Variants in MARCHF1 observed in about 807,000 individuals in gnomAD.
MARCHF1 encodes the protein membrane associated ring-CH-type finger 1.
In MARCHF1, 40 loss-of-function variants were observed where a neutral mutation model predicts 54.2. The ratio of observed to expected loss-of-function variants is 0.74; its 90% CI spans 0.57 to 0.96. MARCHF1 has a LOEUF of 0.96. MARCHF1 is among the 40% of genes least tolerant of loss of function. The pLI, the probability that MARCHF1 is intolerant of heterozygous loss-of-function variation, is 0.00. For synonymous variants in MARCHF1, 236 were observed against 236.3 expected, an observed-to-expected ratio of 1.00 and a Z score of 0.01; for missense variants, 586 against 656.5, an observed-to-expected ratio of 0.89 and a Z score of 1.17.
chr4:164,053,996 C>A (rs952260741), intron 2 of MARCHF1, among the ~76,000 whole-genome samples: 6 of 151,966 alleles, frequency 3.9e-5, no homozygotes, highest in South Asian at 2.1e-4. Context: ...CAACCTACAA[C>A]ATGGGAGAAA....
Position 163,784,121 on chromosome 4 carries a change from A to C in MARCHF1, c.111+69900T>G, listed in dbSNP as rs138540659. 2.8e-4 allele frequency among the ~76,000 whole-genome samples: 43 copies of C among 150,880 alleles called. No homozygotes were observed. The East Asian group carries it at 6.8e-3, about 24-fold the overall frequency. ...CTGTTTTATGATTGATGAAAATATG[A>C]TTCTAACCAGCAGAAATTCTTTTTT... On this transcript the variant is annotated intron_variant, in intron 4 of 9. Coordinates refer to ENST00000514618, the MANE Select transcript of MARCHF1 (RefSeq NM_001394959.1).
chr4:164,302,903 C>T (rs766653282), intron 1 of MARCHF1, among the ~76,000 whole-genome samples: 23 of 147,498 alleles, frequency 1.6e-4, no homozygotes, highest in Middle Eastern at 3.7e-3. Flanking sequence ...TATTCTATTT[C>T]GCATGCTATT....
chr4:163,630,920 A>G (rs1742053267), intron 5 of MARCHF1, among the ~76,000 whole-genome samples: 1 of 152,196 alleles, frequency 6.6e-6, no homozygotes, highest in South Asian at 2.1e-4. Context: ...ATGAAAGAAT[A>G]GAAAAGAGAG....
chr4:164,332,613 G>A (rs572792920), intron 1 of MARCHF1, among the ~76,000 whole-genome samples: 2 of 122,480 alleles, frequency 1.6e-5, no homozygotes, highest in Admixed American at 1.5e-4. Context: ...CAGTTTTACT[G>A]CATTTCAAAT....
At chr4:164,134,471 T>C (rs1169198808) in intron 1 of MARCHF1, among the ~76,000 whole-genome samples, 1 of 152,228 alleles carries the variant, frequency 6.6e-6, no homozygotes, top group Non-Finnish European at 1.5e-5. Context: ...TATCTGGTGG[T>C]AAAAATGCTG....
chr4:163,836,760 C>CGCT (rs1025565931), intron 4 of MARCHF1, among the ~76,000 whole-genome samples: 1 of 6,096 alleles, frequency 1.6e-4, no homozygotes, highest in Non-Finnish European at 2.0e-3. Flanking sequence ...ATACCAAGTG[C>CGCT]GCCATTGGCA....
chr4:163,601,060 G>A (rs923839810), intron 7 of MARCHF1, among the ~76,000 whole-genome samples: 14 of 152,210 alleles, frequency 9.2e-5, no homozygotes, highest in Admixed American at 9.2e-4. Context: ...TGCTGCAGGG[G>A]CATTTTAATT....
At position 163,525,892 on chromosome 4, in the gene MARCHF1, A is replaced by AAAAG. The variant is rs1244230266; in HGVS notation, c.*2852_*2855dup. On this transcript the variant is annotated 3_prime_UTR_variant, in exon 10 of 10. Transcript: ENST00000514618. ...ATGTTCCATTGCCACACAGAATGTA[A>AAAAG]AAAGAAAATAATCAACATTAGATTT... 2 of 152,146 alleles carry AAAAG rather than the reference A, an allele frequency of 1.3e-5. No individual in the cohort carries two copies. Among genetic ancestry groups the AAAAG allele is most frequent in the African/African-American group, 4.8e-5 (2 of 41,454 alleles). The allele number at this position is 152,146 out of a possible 1,614,324, so 9.4% of individuals were successfully genotyped here.
At chr4:164,328,413 T>C (rs1242497510) in intron 1 of MARCHF1, among the ~76,000 whole-genome samples, 1 of 152,198 alleles carries the variant, frequency 6.6e-6, no homozygotes, top group Non-Finnish European at 1.5e-5. Context: ...AATTCAAATA[T>C]GAAAACTGTG....
intron 3 of MARCHF1, among the ~76,000 whole-genome samples, chr4:163,913,058 T>C (rs531043400): frequency 1.3e-5 from 2 of 152,332 alleles, no homozygotes; most frequent in African/African-American, 4.8e-5. Flanking sequence ...AACCTGTTGA[T>C]AAACAGTATC....
intron 7 of MARCHF1, among the ~76,000 whole-genome samples, chr4:163,596,981 A>G (rs1740796581): frequency 6.6e-6 from 1 of 152,022 alleles, no homozygotes; most frequent in Non-Finnish European, 1.5e-5. Flanking sequence ...TTTGAGACGG[A>G]GTCTTGCTCT....
intron 1 of MARCHF1, among the ~76,000 whole-genome samples, chr4:164,277,191 A>AT (rs894054052): frequency 6.6e-6 from 1 of 151,982 alleles, no homozygotes; most frequent in Admixed American, 6.6e-5. Context: ...AAAAGTAAAC[A>AT]TTGCAGTCCA....
At chr4:163,705,496 A>G (rs1170301) in intron 4 of MARCHF1, among the ~76,000 whole-genome samples, 40,821 of 151,866 alleles carry the variant, frequency 0.27, 6,475 homozygotes, top group East Asian at 0.39. Context: ...TAGAATAAAT[A>G]GAATTTACTT....
chr4:164,097,513 C>T (rs1006664476), intron 2 of MARCHF1, among the ~76,000 whole-genome samples: 2 of 152,052 alleles, frequency 1.3e-5, no homozygotes, highest in Admixed American at 1.3e-4. Context: ...AAACATATGC[C>T]TAGATCTTGT....
At chr4:163,859,676 A>G (rs1206111495) in intron 3 of MARCHF1, among the ~76,000 whole-genome samples, 1 of 152,096 alleles carries the variant, frequency 6.6e-6, no homozygotes, top group Non-Finnish European at 1.5e-5. Flanking sequence ...AAGCTTTTTG[A>G]AAAGAGAGTA....
At chr4:163,786,925 T>C (rs1432635826) in intron 4 of MARCHF1, among the ~76,000 whole-genome samples, 1 of 151,840 alleles carries the variant, frequency 6.6e-6, no homozygotes, top group Non-Finnish European at 1.5e-5. Flanking sequence ...AGTTCATAAG[T>C]AAACCCTTGA....
At chr4:163,571,519 G>T (rs1739842138) in intron 8 of MARCHF1, among the ~76,000 whole-genome samples, 1 of 152,060 alleles carries the variant, frequency 6.6e-6, no homozygotes, top group African/African-American at 2.4e-5. Flanking sequence ...TCTTCTGTAT[G>T]AACAGAGTCC....
At chr4:164,215,107 C>T (rs1334072752) in intron 1 of MARCHF1, among the ~76,000 whole-genome samples, 9 of 152,194 alleles carry the variant, frequency 5.9e-5, no homozygotes, top group East Asian at 1.9e-4. Flanking sequence ...TCACAGAGGG[C>T]TTTCTGTATC....
Position 163,571,527 on chromosome 4 carries a change from TC to T in MARCHF1, c.1191+14221del, listed in dbSNP as rs1739842527. ...TGTGTGGTCTTCTGTATGAACAGAG[TC>T]CTCTCTTCTCAGCAATCTTTTGGGA... On this transcript the variant is annotated intron_variant, in intron 8 of 9. Transcript: ENST00000514618. Among the ~76,000 whole-genome samples the T allele has an allele frequency of 2.0e-5, 3 of 152,144 alleles. 1 individual carries two copies. The South Asian group carries it at 6.2e-4, about 32-fold the overall frequency.
Sources: gnomAD v4.1 joint callset for allele counts (sites outside exome capture counted in the v4.1 genomes callset) on GRCh38, gnomAD v4.1.1 for gene constraint, MANE v1.5 for transcripts, NCBI Gene and HGNC (gene_info 2026-07-23, HGNC 2026-07-21) for gene names.